The following WASF1 variants were observed in gnomAD, a reference collection of about 807,000 sequenced individuals.
WASF1 encodes WASP family member 1.
In WASF1, 7 loss-of-function variants were observed where a neutral mutation model predicts 50.5. The observed-to-expected ratio is 0.14, with a 90% confidence interval of 0.08 to 0.26. WASF1 has a LOEUF of 0.26. WASF1 is among the 10% of genes least tolerant of loss of function. The probability of loss-of-function intolerance (pLI) is 1.00; values close to 1 mark genes in which losing one functional copy is unlikely to be tolerated. For missense variants in WASF1, 470 were observed against 694.7 expected (o/e 0.68, Z 3.64); for synonymous variants, 205 against 244.0 (o/e 0.84, Z 1.49).
intron 2 of WASF1, among the ~76,000 whole-genome samples, chr6:110,162,735 C>A (rs1776310646): frequency 6.6e-6 from 1 of 151,444 alleles, no homozygotes; most frequent in Non-Finnish European, 1.5e-5. Context: ...AAACTCTCCG[C>A]AAACTAGGAA....
At chr6:110,150,834 G>A (rs1264678886) in intron 3 of WASF1, among the ~76,000 whole-genome samples, 3 of 151,974 alleles carry the variant, frequency 2.0e-5, no homozygotes, top group Non-Finnish European at 4.4e-5. Flanking sequence ...TCAGGAGTTC[G>A]AGACCAGCCT....
At chr6:110,151,230 G>A (rs752951796) in intron 3 of WASF1, among the ~76,000 whole-genome samples, 5 of 152,206 alleles carry the variant, frequency 3.3e-5, no homozygotes, top group South Asian at 2.1e-4. Flanking sequence ...ACCCCCATCA[G>A]CAACTTACGA....
rs1023313180 is a variant in WASF1, at chr6:110,136,040, T to C, written c.-28-8411A>G. ...CTGGGACTACAGGCACCTGCCACCA[T>C]GCCCAGCTAATTTTTTTGTATTTTT... On this transcript the variant is annotated intron_variant, in intron 3 of 10. Transcript: ENST00000392589. Among the ~76,000 whole-genome samples the C allele has an allele frequency of 9.9e-5, 15 of 151,720 alleles. No homozygotes were observed. In the East Asian group the frequency reaches 1.6e-3, roughly 16 times the overall value.
intron 4 of WASF1, among the ~76,000 whole-genome samples, chr6:110,116,688 C>T (rs1773826844): frequency 6.6e-6 from 1 of 152,188 alleles, no homozygotes; most frequent in Admixed American, 6.5e-5. Flanking sequence ...CTCAGCACAG[C>T]GTCTGAACTC....
At chr6:110,146,218 C>T (rs907644691) in intron 3 of WASF1, among the ~76,000 whole-genome samples, 1 of 152,076 alleles carries the variant, frequency 6.6e-6, no homozygotes, top group Non-Finnish European at 1.5e-5. Flanking sequence ...CCTAAAGGAA[C>T]AGGTTAAAAT....
chr6:110,164,781 A>C (rs1776403422), intron 2 of WASF1, among the ~76,000 whole-genome samples: 1 of 151,640 alleles, frequency 6.6e-6, no homozygotes, highest in Non-Finnish European at 1.5e-5. Context: ...TAACTGCTGA[A>C]ACTTGGAACC....
intron 4 of WASF1, among the ~76,000 whole-genome samples, chr6:110,117,772 G>T (rs1332364053): frequency 1.3e-5 from 2 of 152,048 alleles, no homozygotes; most frequent in Non-Finnish European, 2.9e-5. Flanking sequence ...AGAAAGGTCG[G>T]GTTACCTACA....
At chr6:110,140,582 AGAATT>A (rs1374005453) in intron 3 of WASF1, among the ~76,000 whole-genome samples, 53 of 152,310 alleles carry the variant, frequency 3.5e-4, no homozygotes, top group Non-Finnish European at 1.0e-4. Flanking sequence ...AGATAGTGTC[AGAATT>A]GAATTGAAGA....
intron 6 of WASF1, 70 bp downstream of exon 6, chr6:110,108,458 T>G: frequency 6.9e-7 from 1 of 1,441,244 alleles, no homozygotes; most frequent in Non-Finnish European, 9.4e-7. Context: ...ATAAAGAATG[T>G]TTGGGGATTT....
chr6:110,115,052 A>G (rs1197763726), intron 4 of WASF1, among the ~76,000 whole-genome samples: 1 of 151,228 alleles, frequency 6.6e-6, no homozygotes. Context: ...TGATCATGCC[A>G]CTGTACTCCA....
intron 2 of WASF1, among the ~76,000 whole-genome samples, chr6:110,172,916 A>G (rs1182648112): frequency 2.0e-5 from 3 of 152,136 alleles, no homozygotes; most frequent in Non-Finnish European, 4.4e-5. Flanking sequence ...CTCTAAATCT[A>G]TAAAAATAAT....
At chr6:110,151,036 T>A (rs1370867286) in intron 3 of WASF1, among the ~76,000 whole-genome samples, 1 of 152,138 alleles carries the variant, frequency 6.6e-6, no homozygotes, top group Non-Finnish European at 1.5e-5. Flanking sequence ...AAACTCTGTC[T>A]CAAAATAAAA....
intron 3 of WASF1, among the ~76,000 whole-genome samples, chr6:110,148,009 A>C (rs569091944): frequency 1.9e-4 from 29 of 152,160 alleles, no homozygotes; most frequent in Non-Finnish European, 3.5e-4. Flanking sequence ...AGCCTTTCAA[A>C]GTGCTAGGAT....
intron 2 of WASF1, among the ~76,000 whole-genome samples, chr6:110,174,426 C>T (rs1389595773): frequency 6.6e-6 from 1 of 152,106 alleles, no homozygotes; most frequent in Non-Finnish European, 1.5e-5. Flanking sequence ...ACTGGTTTAA[C>T]AAGGGGGACC....
At chr6:110,161,121 A>G (rs1776246189) in intron 2 of WASF1, among the ~76,000 whole-genome samples, 1 of 151,570 alleles carries the variant, frequency 6.6e-6, no homozygotes. Context: ...TCTTCCTCTA[A>G]CTTCTAAGTT....
chr6:110,164,377 T>C (rs781655781), intron 2 of WASF1, among the ~76,000 whole-genome samples: 5 of 151,602 alleles, frequency 3.3e-5, no homozygotes, highest in East Asian at 1.9e-4. Flanking sequence ...TGATTAAAAA[T>C]TGGGAAAAAG....
At chr6:110,124,927 A>T (rs945360947) in intron 4 of WASF1, among the ~76,000 whole-genome samples, 1 of 152,046 alleles carries the variant, frequency 6.6e-6, no homozygotes, top group African/African-American at 2.4e-5. Context: ...TAAAAAAAGG[A>T]AGTACATTTT....
At chr6:110,162,751 G>A (rs191574698) in intron 2 of WASF1, among the ~76,000 whole-genome samples, 135 of 151,578 alleles carry the variant, frequency 8.9e-4, no homozygotes, top group African/African-American at 3.1e-3. Flanking sequence ...AGGAATAAAA[G>A]GTAACTTCCT....
At chr6:110,137,022 T>A (rs1345964755) in intron 3 of WASF1, among the ~76,000 whole-genome samples, 3 of 152,192 alleles carry the variant, frequency 2.0e-5, no homozygotes, top group Non-Finnish European at 4.4e-5. Context: ...TTATTAGTCA[T>A]AAAGCAGGTT....
Sources: allele counts gnomAD v4.1 joint callset (sites outside exome capture counted in the v4.1 genomes callset), GRCh38; gene constraint gnomAD v4.1.1; transcripts MANE v1.5; gene names NCBI Gene and HGNC (gene_info 2026-07-23, HGNC 2026-07-21).